Variants in DPP8 observed in about 807,000 individuals in gnomAD.
DPP8 encodes dipeptidyl peptidase 8.
A neutral mutation model predicts 107.5 loss-of-function variants in DPP8; 31 were observed. The ratio of observed to expected loss-of-function variants is 0.29; its 90% confidence interval spans 0.22 to 0.39. DPP8 has a LOEUF of 0.39. DPP8 is among the 10% of genes least tolerant of loss of function. The pLI is 1.00. For missense variants in DPP8, 842 were observed against 1,076.1 expected, an observed-to-expected ratio of 0.78 and a Z score of 3.04; for synonymous variants, 381 against 356.6, an observed-to-expected ratio of 1.07 and a Z score of -0.77.
rs538294555 is a variant in DPP8, at chr15:65,448,187, C to T, written c.2527-1181G>A. ...ATTACTTGACCCCAGGAGTTTGAAA[C>T]GAGCCCAGGAATCATAGTAAGACTC... On this transcript the variant is annotated intron_variant, in intron 19 of 19. Transcript: ENST00000300141. Among the ~76,000 whole-genome samples the T allele has an allele frequency of 5.3e-5, 8 of 151,544 alleles. No individual in the cohort carries two copies. In the South Asian group the frequency reaches 1.5e-3, roughly 28 times the overall value.
In DPP8 at chr15:65,466,723, T is replaced by G; in HGVS notation, c.1780A>C (p.Thr594Pro). The change falls in exon 14 of 20, where the codon ACT becomes CCT. Residue 594 changes from threonine to proline, a missense_variant. This residue lies in a region of DPP8 where 663 missense variants were observed against 758.0 expected (regional missense o/e 0.87). Coordinates refer to ENST00000300141, the MANE Select transcript of DPP8 (RefSeq NM_130434.5). ...GCCCAAAATTCCTTTGTTTTGCAAG[T>G]TGGGTCATCTTCAGGACTTGATAGC... ...YKLSSPEDDP[T>P]CKTKEFWATI... 1 of 1,614,090 alleles carries G rather than the reference T, an allele frequency of 6.2e-7. No homozygotes were observed. Among genetic ancestry groups the G allele is most frequent in the Non-Finnish European group, 8.5e-7 (1 of 1,179,966 alleles).
At chr15:65,486,121 C>T (rs796934208) in intron 7 of DPP8, among the ~76,000 whole-genome samples, 45 of 133,130 alleles carry the variant, frequency 3.4e-4, no homozygotes, top group African/African-American at 1.2e-3. Context: ...ACAAAAAAAA[C>T]GGCCGGGCGC....
intron 3 of DPP8, among the ~76,000 whole-genome samples, chr15:65,504,032 G>A (rs879895103): frequency 1.3e-5 from 2 of 152,006 alleles, no homozygotes; most frequent in Non-Finnish European, 2.9e-5. Context: ...AAAGTGCTGT[G>A]ATTACAGGCA....
chr15:65,514,660 G>A (rs932242178), intron 1 of DPP8, among the ~76,000 whole-genome samples: 2 of 152,088 alleles, frequency 1.3e-5, no homozygotes, highest in African/African-American at 4.8e-5. Context: ...ACAGGCACCC[G>A]CCATCGTGCC....
chr15:65,517,023 G>T, intron 1 of DPP8: 1 of 153,070 alleles, frequency 6.5e-6, no homozygotes, highest in Non-Finnish European at 1.5e-5. Flanking sequence ...AATCGACCTA[G>T]CATGAGGCAG....
chr15:65,455,198 C>T (rs1219319582), intron 16 of DPP8, among the ~76,000 whole-genome samples: 1 of 152,120 alleles, frequency 6.6e-6, no homozygotes, highest in Non-Finnish European at 1.5e-5. Flanking sequence ...AGTAGTGTGA[C>T]CAGGGATCAC....
At chr15:65,485,266 G>A (rs575910885) in intron 7 of DPP8, 106 bp from the exon 8 acceptor site, 25 of 825,850 alleles carry the variant, frequency 3.0e-5, no homozygotes, top group East Asian at 1.1e-4. Flanking sequence ...CGTATAGGTC[G>A]GGTGCAGTGG....
At chr15:65,484,655 CAA>C (rs1161936925) in intron 8 of DPP8, among the ~76,000 whole-genome samples, 49 of 98,232 alleles carry the variant, frequency 5.0e-4, no homozygotes, top group Non-Finnish European at 3.7e-4. Flanking sequence ...GCTCTTAACT[CAA>C]AAAAAAAAAA....
intron 8 of DPP8, among the ~76,000 whole-genome samples, chr15:65,482,011 C>CAT (rs1203328732): frequency 3.3e-4 from 50 of 150,656 alleles, no homozygotes; most frequent in African/African-American, 1.1e-3. Context: ...TTTATTTATA[C>CAT]ATATATATGT....
chr15:65,496,842 T>C (rs2068649929), intron 5 of DPP8, among the ~76,000 whole-genome samples: 1 of 150,522 alleles, frequency 6.6e-6, no homozygotes, highest in African/African-American at 2.5e-5. Context: ...GTAGAGACAA[T>C]GTCTTACCAT....
intron 15 of DPP8, among the ~76,000 whole-genome samples, chr15:65,458,073 G>A (rs2064588199): frequency 1.3e-5 from 2 of 152,202 alleles, no homozygotes; most frequent in Admixed American, 6.5e-5. Context: ...ACCATGTATA[G>A]AAGATGGTCT....
intron 11 of DPP8, chr15:65,475,519 G>A: frequency 6.9e-7 from 1 of 1,442,558 alleles, no homozygotes; most frequent in Non-Finnish European, 9.7e-7. Context: ...CTGCCATAAA[G>A]GCATTAAAAC....
At chr15:65,448,486 C>T (rs1197226752) in intron 19 of DPP8, among the ~76,000 whole-genome samples, 2 of 149,068 alleles carry the variant, frequency 1.3e-5, no homozygotes, top group African/African-American at 5.0e-5. Flanking sequence ...TCCTGGCTAA[C>T]ACAGTGAAAC....
intron 3 of DPP8, among the ~76,000 whole-genome samples, chr15:65,504,456 G>A (rs894652378): frequency 6.6e-6 from 1 of 151,740 alleles, no homozygotes; most frequent in Non-Finnish European, 1.5e-5. Context: ...CAGATTACAA[G>A]GTCAAGAGAT....
At chr15:65,493,807 C>T (rs1239834729) in intron 5 of DPP8, among the ~76,000 whole-genome samples, 1 of 152,042 alleles carries the variant, frequency 6.6e-6, no homozygotes, top group Non-Finnish European at 1.5e-5. Flanking sequence ...CCTCTATCAC[C>T]AGGCAAAGAA....
intron 12 of DPP8, among the ~76,000 whole-genome samples, chr15:65,471,457 C>T (rs1485461756): frequency 6.6e-6 from 1 of 151,962 alleles, no homozygotes; most frequent in East Asian, 1.9e-4. Flanking sequence ...AGCGATCCTC[C>T]CACCTCAGCC....
At position 65,512,316 on chromosome 15, in the gene DPP8, A is replaced by T; in HGVS notation, c.238T>A (p.Ser80Thr). ...VKRNDPDGPH[S>T]DRIYYLAMSG... ...TCACCAAGGTAATAGATTCTGTCTGAATGAGGTCCATCTGGATCATTCCTC... is the reference window on the plus strand; with the variant it reads ...TCACCAAGGTAATAGATTCTGTCTGTATGAGGTCCATCTGGATCATTCCTC... The change falls in exon 2 of 20, where the codon TCA (serine) becomes ACA (threonine). Residue 80 changes from serine to threonine, a missense_variant. By Grantham distance (58) the Ser-to-Thr change is moderately conservative. Around this residue, in one of 2 missense-constraint regions of DPP8, gnomAD observed 663 missense variants for 758.0 expected, o/e 0.87. Coordinates refer to ENST00000300141, the MANE Select transcript of DPP8 (RefSeq NM_130434.5). 6.2e-7 allele frequency: 1 copy of T among 1,613,120 alleles called. No homozygotes were observed. The highest frequency in any genetic ancestry group is 1.1e-5 in the South Asian group (1 of 91,084).
intron 3 of DPP8, among the ~76,000 whole-genome samples, chr15:65,504,220 G>A (rs570165870): frequency 7.2e-5 from 11 of 152,106 alleles, no homozygotes; most frequent in South Asian, 2.1e-4. Context: ...AAAATCATCC[G>A]GGTGTGGTGG....
At chr15:65,489,413 C>T (rs1471413908) in intron 6 of DPP8, among the ~76,000 whole-genome samples, 15 of 104,236 alleles carry the variant, frequency 1.4e-4, no homozygotes, top group East Asian at 6.0e-4. Flanking sequence ...ATATAATCTA[C>T]TTTTTTTTTT....
Sources: gnomAD v4.1 joint callset for allele counts (sites outside exome capture counted in the v4.1 genomes callset) on GRCh38, gnomAD v4.1.1 for gene constraint, gnomAD v4.1.1 regional missense constraint, MANE v1.5 for transcripts, NCBI Gene and HGNC (gene_info 2026-07-23, HGNC 2026-07-21) for gene names.